SGCZ: variants seen among roughly 807,000 people sequenced by gnomAD.
SGCZ encodes zeta-sarcoglycan.
A neutral mutation model predicts 41.3 loss-of-function variants in SGCZ; 40 were observed. The observed-to-expected ratio is 0.97, with a 90% confidence interval of 0.75 to 1.26. The LOEUF (loss-of-function observed/expected upper bound fraction) is 1.26. Among genes scored for constraint, SGCZ ranks in the 50% most tolerant of loss-of-function variants. SGCZ has a pLI of 0.00. For missense variants in SGCZ, 552 were observed against 369.8 expected (o/e 1.49, Z -4.04); for synonymous variants, 206 against 137.5 (o/e 1.50, Z -3.49).
intron 1 of SGCZ, among the ~76,000 whole-genome samples, chr8:14,992,036 A>T (rs1405566311): frequency 6.7e-6 from 1 of 148,442 alleles, no homozygotes; most frequent in Non-Finnish European, 1.5e-5. Context: ...TCTACTCCCA[A>T]ATCTACTCCC....
At chr8:14,835,935 A>C (rs1344281131) in intron 1 of SGCZ, among the ~76,000 whole-genome samples, 1 of 152,258 alleles carries the variant, frequency 6.6e-6, no homozygotes. Context: ...AATAGCTGAA[A>C]TTAAATTTCC....
At chr8:15,083,068 G>C (rs1474766121) in intron 1 of SGCZ, among the ~76,000 whole-genome samples, 1 of 152,070 alleles carries the variant, frequency 6.6e-6, no homozygotes, top group Non-Finnish European at 1.5e-5. Context: ...TAATAGTCGT[G>C]TTCAAATGAA....
chr8:14,355,577 C>T (rs1280455530), intron 2 of SGCZ, among the ~76,000 whole-genome samples: 1 of 151,882 alleles, frequency 6.6e-6, no homozygotes, highest in East Asian at 1.9e-4. Flanking sequence ...TATGCTCATT[C>T]TGCTTGACAG....
intron 2 of SGCZ, among the ~76,000 whole-genome samples, chr8:14,493,660 C>A (rs1261682497): frequency 9.9e-5 from 15 of 151,848 alleles, no homozygotes; most frequent in Non-Finnish European, 1.6e-4. Flanking sequence ...GTCACCGTTC[C>A]TGGCCCTACT....
At chr8:14,094,978 G>GT (rs140256840) in intron 7 of SGCZ, among the ~76,000 whole-genome samples, 13 of 151,186 alleles carry the variant, frequency 8.6e-5, no homozygotes, top group African/African-American at 1.2e-4. Context: ...CTTTTTGATG[G>GT]TTTTTTTTTC....
chr8:14,252,565 G>A (rs1373514049), intron 3 of SGCZ, among the ~76,000 whole-genome samples: 1 of 152,096 alleles, frequency 6.6e-6, no homozygotes, highest in Non-Finnish European at 1.5e-5. Flanking sequence ...TAAAATGTGA[G>A]AAGCCTAAGG....
intron 1 of SGCZ, among the ~76,000 whole-genome samples, chr8:14,727,062 C>T (rs1307741511): frequency 6.6e-6 from 1 of 151,734 alleles, no homozygotes; most frequent in Non-Finnish European, 1.5e-5. Flanking sequence ...ATAAGCTTAT[C>T]CGGCAAAAGA....
chr8:14,205,323 T>C (rs978462141), intron 4 of SGCZ, among the ~76,000 whole-genome samples: 1 of 152,178 alleles, frequency 6.6e-6, no homozygotes, highest in East Asian at 1.9e-4. Flanking sequence ...TTTTTGTGTA[T>C]TGTCAAATCT....
intron 1 of SGCZ, among the ~76,000 whole-genome samples, chr8:15,053,008 A>C (rs1244403588): frequency 6.6e-6 from 1 of 152,164 alleles, no homozygotes; most frequent in African/African-American, 2.4e-5. Flanking sequence ...CAAAAACCTA[A>C]GGAGAACAAC....
At chr8:14,975,789 T>TTATATATATATA (rs371834276) in intron 1 of SGCZ, among the ~76,000 whole-genome samples, 1 of 125,436 alleles carries the variant, frequency 8.0e-6, no homozygotes. Context: ...TTTTCCACTT[T>TTATATATATATA]TATATATATA....
intron 3 of SGCZ, among the ~76,000 whole-genome samples, chr8:14,294,698 T>C (rs1800954294): frequency 6.6e-6 from 1 of 152,000 alleles, no homozygotes; most frequent in Non-Finnish European, 1.5e-5. Flanking sequence ...GTAGAATAGG[T>C]AGGCAAATGT....
chr8:15,133,244 A>G (rs949112043), intron 1 of SGCZ, among the ~76,000 whole-genome samples: 2 of 152,192 alleles, frequency 1.3e-5, no homozygotes, highest in African/African-American at 4.8e-5. Flanking sequence ...TTTTCTGTCC[A>G]TATTCTTTTG....
intron 2 of SGCZ, chr8:14,332,469 A>G (rs904247858): frequency 3.3e-5 from 5 of 152,072 alleles, no homozygotes; most frequent in African/African-American, 1.2e-4. Flanking sequence ...AAAATAAAAA[A>G]TAAAAATATG....
chr8:14,296,169 T>A (rs1801005503), intron 3 of SGCZ, among the ~76,000 whole-genome samples: 2 of 152,286 alleles, frequency 1.3e-5, no homozygotes, highest in South Asian at 4.2e-4. Flanking sequence ...CTATCTGATC[T>A]GGCAGGAGAC....
chr8:15,021,987 T>A (rs938245169), intron 1 of SGCZ, among the ~76,000 whole-genome samples: 1 of 152,192 alleles, frequency 6.6e-6, no homozygotes, highest in East Asian at 1.9e-4. Context: ...AATAGAAACA[T>A]AACCTTGTGC....
chr8:14,937,392 A>C (rs1178378811), intron 1 of SGCZ, among the ~76,000 whole-genome samples: 2 of 152,070 alleles, frequency 1.3e-5, no homozygotes, highest in Non-Finnish European at 2.9e-5. Context: ...TTATTTTCCC[A>C]AAAAGCACAG....
At chr8:14,373,967 C>A (rs1278446133) in intron 2 of SGCZ, among the ~76,000 whole-genome samples, 1 of 151,704 alleles carries the variant, frequency 6.6e-6, no homozygotes, top group African/African-American at 2.4e-5. Context: ...TGCACATGTG[C>A]CCCGGAACTT....
At chr8:14,116,305 T>C (rs1010439425) in intron 5 of SGCZ, among the ~76,000 whole-genome samples, 1 of 152,120 alleles carries the variant, frequency 6.6e-6, no homozygotes, top group African/African-American at 2.4e-5. Flanking sequence ...AATTATTTTT[T>C]AACATAGTGT....
At chr8:14,640,231 G>A (rs1206719069) in intron 1 of SGCZ, among the ~76,000 whole-genome samples, 1 of 151,706 alleles carries the variant, frequency 6.6e-6, no homozygotes, top group African/African-American at 2.4e-5. Context: ...TCTTCTTCCT[G>A]TAAAGTGTCC....
Sources: allele counts gnomAD v4.1 joint callset (sites outside exome capture counted in the v4.1 genomes callset), GRCh38; gene constraint gnomAD v4.1.1; transcripts MANE v1.5; gene names NCBI Gene and HGNC (gene_info 2026-07-23, HGNC 2026-07-21).